The following KCNQ5 variants were observed in gnomAD, a reference collection of about 807,000 sequenced individuals.
The protein encoded by KCNQ5 is potassium voltage-gated channel subfamily Q member 5.
KCNQ5 carries 30 observed loss-of-function variants against 98.2 expected under a neutral mutation model. The observed-to-expected ratio is 0.31, with a 90% CI of 0.23 to 0.41. The LOEUF is 0.41. KCNQ5 is among the 10% of genes least tolerant of loss of function. The probability of loss-of-function intolerance (pLI) is 1.00; values close to 1 mark genes in which losing one functional copy is unlikely to be tolerated. For synonymous variants in KCNQ5, 458 were observed against 449.4 expected (o/e 1.02, Z -0.24); for missense variants, 835 against 1,182.5 (o/e 0.71, Z 4.31).
chr6:73,121,545 G>C (rs1775749386), intron 8 of KCNQ5, among the ~76,000 whole-genome samples: 1 of 152,120 alleles, frequency 6.6e-6, no homozygotes. Context: ...TTATTAAATT[G>C]CTCATCCGAC....
intron 1 of KCNQ5, among the ~76,000 whole-genome samples, chr6:72,741,716 C>T (rs1032331915): frequency 6.6e-6 from 1 of 152,056 alleles, no homozygotes; most frequent in Non-Finnish European, 1.5e-5. Context: ...ACATAGCTTA[C>T]CCCATTAGCT....
At chr6:72,829,058 C>T (rs1344019225) in intron 1 of KCNQ5, among the ~76,000 whole-genome samples, 2 of 151,972 alleles carry the variant, frequency 1.3e-5, no homozygotes, top group South Asian at 2.1e-4. Flanking sequence ...ATATATGACA[C>T]GTTCATGATA....
intron 3 of KCNQ5, 82 bp downstream of exon 3, chr6:73,042,144 T>C: frequency 6.6e-7 from 1 of 1,521,482 alleles, no homozygotes; most frequent in Non-Finnish European, 9.1e-7. Flanking sequence ...ATTTGATTAA[T>C]ATTAAAAGCT....
chr6:73,170,462 G>T (rs919968276), intron 11 of KCNQ5, among the ~76,000 whole-genome samples: 1 of 126,828 alleles, frequency 7.9e-6, no homozygotes, highest in South Asian at 2.7e-4. Flanking sequence ...ACACACACAC[G>T]CAATCAAGAT....
chr6:73,158,558 AC>A (rs1307473087), intron 10 of KCNQ5, among the ~76,000 whole-genome samples: 1 of 151,864 alleles, frequency 6.6e-6, no homozygotes, highest in African/African-American at 2.4e-5. Flanking sequence ...GAGCCACCGC[AC>A]CCGTCCTGGA....
intron 1 of KCNQ5, among the ~76,000 whole-genome samples, chr6:72,863,359 A>T (rs1777845132): frequency 6.6e-6 from 1 of 152,220 alleles, no homozygotes; most frequent in African/African-American, 2.4e-5. Flanking sequence ...GTCCCATCCT[A>T]ACACCATAAA....
At chr6:73,117,572 T>C (rs1775557876) in intron 7 of KCNQ5, among the ~76,000 whole-genome samples, 1 of 152,212 alleles carries the variant, frequency 6.6e-6, no homozygotes, top group Non-Finnish European at 1.5e-5. Flanking sequence ...TCCCATTCTT[T>C]TGTTGTTCTG....
chr6:72,658,409 T>C (rs1766306182), intron 1 of KCNQ5, among the ~76,000 whole-genome samples: 1 of 150,616 alleles, frequency 6.6e-6, no homozygotes, highest in African/African-American at 2.4e-5. Context: ...GCCTCCCAAG[T>C]AGCTGGGATT....
chr6:72,939,722 G>T (rs375788566), intron 1 of KCNQ5, among the ~76,000 whole-genome samples: 3 of 152,150 alleles, frequency 2.0e-5, no homozygotes, highest in Admixed American at 2.0e-4. Context: ...CTTGATGCAA[G>T]CCTGCAAATC....
intron 1 of KCNQ5, among the ~76,000 whole-genome samples, chr6:72,852,545 T>A (rs1777304980): frequency 6.8e-6 from 1 of 147,370 alleles, no homozygotes; most frequent in Admixed American, 6.8e-5. Flanking sequence ...CACTCATATA[T>A]CGGAGCAAAA....
chr6:73,063,686 T>TA (rs55995543), intron 3 of KCNQ5, among the ~76,000 whole-genome samples: 21,631 of 92,414 alleles, frequency 0.23, 2,860 homozygotes, highest in East Asian at 0.3. Flanking sequence ...GATAGATAGA[T>TA]GATAGATAGA....
At chr6:73,003,157 C>T (rs753181304) in intron 1 of KCNQ5, among the ~76,000 whole-genome samples, 13 of 151,996 alleles carry the variant, frequency 8.6e-5, no homozygotes, top group Non-Finnish European at 1.3e-4. Context: ...ACTCAGCTCC[C>T]GCCTTGATCC....
At chr6:72,732,386 G>C (rs898172507) in intron 1 of KCNQ5, among the ~76,000 whole-genome samples, 1 of 152,146 alleles carries the variant, frequency 6.6e-6, no homozygotes, top group African/African-American at 2.4e-5. Context: ...GGATGTATAT[G>C]AGGGAAGGGG....
chr6:72,903,905 C>T (rs981990891), intron 1 of KCNQ5, among the ~76,000 whole-genome samples: 1 of 152,218 alleles, frequency 6.6e-6, no homozygotes, highest in Non-Finnish European at 1.5e-5. Flanking sequence ...TTCTTGATGA[C>T]CTGTCTAGTG....
chr6:73,074,336 C>A (rs1454604649), intron 3 of KCNQ5, among the ~76,000 whole-genome samples: 1 of 152,120 alleles, frequency 6.6e-6, no homozygotes, highest in Non-Finnish European at 1.5e-5. Context: ...TGTAACCCAA[C>A]CAGAAACATT....
chr6:73,167,663 T>C (rs1314511996), intron 10 of KCNQ5, among the ~76,000 whole-genome samples: 1 of 152,204 alleles, frequency 6.6e-6, no homozygotes, highest in Non-Finnish European at 1.5e-5. Context: ...CTTAGTCTAT[T>C]TGCACTACTA....
At chr6:72,674,359 A>G (rs1767296893) in intron 1 of KCNQ5, among the ~76,000 whole-genome samples, 1 of 152,328 alleles carries the variant, frequency 6.6e-6, no homozygotes, top group African/African-American at 2.4e-5. Context: ...TATATTGTGT[A>G]CAGTGCACAT....
intron 1 of KCNQ5, among the ~76,000 whole-genome samples, chr6:72,652,926 A>G (rs1199511926): frequency 6.6e-6 from 1 of 152,080 alleles, no homozygotes; most frequent in Non-Finnish European, 1.5e-5. Flanking sequence ...GTGAATTTAT[A>G]TATACGTATA....
chr6:72,811,769 T>G (rs1367425421), intron 1 of KCNQ5, among the ~76,000 whole-genome samples: 1 of 152,206 alleles, frequency 6.6e-6, no homozygotes, highest in African/African-American at 2.4e-5. Flanking sequence ...AAGAGGGTTC[T>G]TGAATCTCAC....
Sources: gnomAD v4.1 joint callset for allele counts (sites outside exome capture counted in the v4.1 genomes callset) on GRCh38, gnomAD v4.1.1 for gene constraint, MANE v1.5 for transcripts, NCBI Gene and HGNC (gene_info 2026-07-23, HGNC 2026-07-21) for gene names.